Variants in BRD9 observed in about 807,000 individuals in gnomAD.
BRD9 encodes bromodomain-containing protein 9.
In BRD9, 47 loss-of-function variants were observed where a neutral mutation model predicts 68.7. That is an observed-to-expected ratio of 0.68 (90% CI 0.54 to 0.87). BRD9 has a LOEUF of 0.87. Among genes scored for constraint, BRD9 ranks in the 40% least tolerant of loss-of-function variants. BRD9 has a pLI of 0.00. For missense variants in BRD9, 670 were observed against 748.4 expected, an observed-to-expected ratio of 0.90 and a Z score of 1.22; for synonymous variants, 313 against 293.9, an observed-to-expected ratio of 1.06 and a Z score of -0.67.
chr5:883,852 G>T (rs1752160922), intron 8 of BRD9, 86 bp downstream of exon 8: 1 of 1,533,726 alleles, frequency 6.5e-7, no homozygotes, highest in East Asian at 2.3e-5. Context: ...GGCTGTGCTA[G>T]ATCACACAGC....
At position 891,172 on chromosome 5, in the gene BRD9, G is replaced by A. The variant is rs1753318690; in HGVS notation, c.383C>T (p.Ala128Val). 1.3e-6 allele frequency: 2 copies of A among 1,551,366 alleles called. No homozygotes were observed. Among genetic ancestry groups the A allele is most frequent in the Non-Finnish European group, 1.7e-6 (2 of 1,146,796 alleles). ...ACCCTTGCCTGGCTGTGTCCGGCAC[G>A]CTCGGACTGGCCGATCTGGGGGCGG... Reference protein sequence around the residue: ...VEPPPDRPVRACRTQPAENES... With the variant: ...VEPPPDRPVRVCRTQPAENES... Residue 128 changes from alanine (A) to valine (V), a missense_variant, in exon 3 of 16, where the codon GCG becomes GTG. Physicochemically the swap from Ala to Val is moderately conservative, Grantham distance 64 (BLOSUM62 0). Transcript: ENST00000467963.
At chr5:881,331 AT>A in intron 8 of BRD9, 149 bp from the exon 9 acceptor site, 2 of 737,960 alleles carry the variant, frequency 2.7e-6, no homozygotes. Context: ...ATTCCCTGGA[AT>A]TTCAGACTCA....
chr5:866,997 C>T (rs1749467423), intron 14 of BRD9, among the ~76,000 whole-genome samples: 1 of 152,198 alleles, frequency 6.6e-6, no homozygotes, highest in African/African-American at 2.4e-5. Context: ...ATTTCAAAGA[C>T]CTTTGCCCAG....
At chr5:891,541 T>C in intron 2 of BRD9, 99 bp downstream of exon 2, 7 of 1,478,090 alleles carry the variant, frequency 4.7e-6, no homozygotes, top group Non-Finnish European at 6.2e-6. Flanking sequence ...CCCCCTCCCC[T>C]CCTCCAGCCA....
chr5:885,446 G>T (rs866964060), intron 7 of BRD9, among the ~76,000 whole-genome samples: 1 of 152,190 alleles, frequency 6.6e-6, no homozygotes, highest in African/African-American at 2.4e-5. Flanking sequence ...TTAAATCCAC[G>T]TGAGTCCCAT....
intron 12 of BRD9, 119 bp downstream of exon 12, chr5:875,982 G>A (rs992619280): frequency 3.0e-5 from 20 of 671,878 alleles, no homozygotes; most frequent in African/African-American, 7.2e-5. Flanking sequence ...ACGAGGAGCC[G>A]GCAGCAGAGT....
rs781004303 is a variant in BRD9, at chr5:889,636, TCTC to T, written c.409_411del (p.Glu137del). 2.5e-6 allele frequency: 4 copies of T among 1,613,138 alleles called. No individual in the cohort carries two copies. In the South Asian group the frequency reaches 4.4e-5, roughly 18 times the overall value. ...TCCAGGAGTTGCTGAATAGGTGTGCTCTCATTTTCGGCTGACAATTTAAGGAAA... is the reference window on the plus strand; with the variant it reads ...TCCAGGAGTTGCTGAATAGGTGTGCTATTTTCGGCTGACAATTTAAGGAAA... On this transcript the variant is annotated inframe_deletion, in exon 4 of 16. Coordinates refer to ENST00000467963, the MANE Select transcript of BRD9 (RefSeq NM_023924.5).
At chr5:884,243 T>C (rs1752226705) in intron 7 of BRD9, among the ~76,000 whole-genome samples, 173 bp from the exon 8 acceptor site, 1 of 152,082 alleles carries the variant, frequency 6.6e-6, no homozygotes, top group Non-Finnish European at 1.5e-5. Flanking sequence ...CCTAACCAAA[T>C]GACAAATTAA....
At chr5:885,870 G>A (rs1173963765) in intron 7 of BRD9, among the ~76,000 whole-genome samples, 1 of 152,250 alleles carries the variant, frequency 6.6e-6, no homozygotes, top group Non-Finnish European at 1.5e-5. Flanking sequence ...ACCTCACATA[G>A]GTGGAGGAGC....
chr5:889,999 GATT>G (rs1206647502), intron 3 of BRD9: 1 of 340,728 alleles, frequency 2.9e-6, no homozygotes, highest in Admixed American at 3.9e-5. Flanking sequence ...TGAATTCACC[GATT>G]ATTATTTCAC....
intron 12 of BRD9, among the ~76,000 whole-genome samples, chr5:874,044 G>A (rs1750542041): frequency 6.6e-6 from 1 of 152,214 alleles, no homozygotes; most frequent in Non-Finnish European, 1.5e-5. Flanking sequence ...CTCTGAAAGA[G>A]AGAAAGAACC....
intron 14 of BRD9, among the ~76,000 whole-genome samples, chr5:866,850 G>A (rs911023861): frequency 7.2e-5 from 11 of 152,178 alleles, no homozygotes; most frequent in Non-Finnish European, 1.6e-4. Flanking sequence ...TAAAAGGGAA[G>A]CAGAGAGTAA....
At chr5:874,414 A>G (rs1022153642) in intron 12 of BRD9, among the ~76,000 whole-genome samples, 1 of 152,264 alleles carries the variant, frequency 6.6e-6, no homozygotes, top group Non-Finnish European at 1.5e-5. Context: ...TTAGTTTTTT[A>G]AGATCTAGTT....
intron 3 of BRD9, 99 bp from the exon 4 acceptor site, chr5:889,746 C>A (rs780491653): frequency 6.4e-7 from 1 of 1,567,724 alleles, no homozygotes; most frequent in Admixed American, 1.7e-5. Context: ...TGTCTCACAG[C>A]ATTTTAAGTT....
chr5:878,776 G>A (rs1751387985), intron 10 of BRD9: 2 of 441,472 alleles, frequency 4.5e-6, no homozygotes, highest in East Asian at 8.0e-5. Context: ...AACGTGGGCA[G>A]AGCGCACCGT....
chr5:892,273 G>A, intron 1 of BRD9: 2 of 483,396 alleles, frequency 4.1e-6, no homozygotes, highest in Non-Finnish European at 7.1e-6. Flanking sequence ...CAAGGGAGAG[G>A]GAGGGAAAGG....
At chr5:873,016 T>G (rs1467971891) in intron 12 of BRD9, among the ~76,000 whole-genome samples, 1 of 151,970 alleles carries the variant, frequency 6.6e-6, no homozygotes, top group Non-Finnish European at 1.5e-5. Flanking sequence ...AATACAAAAA[T>G]TAGCCAGGTG....
intron 6 of BRD9, 38 bp downstream of exon 6, chr5:887,323 T>G: frequency 6.5e-7 from 1 of 1,550,236 alleles, no homozygotes; most frequent in East Asian, 2.2e-5. Flanking sequence ...GCAGAGCCCC[T>G]GCTTTCCGTA....
At chr5:883,467 C>G (rs987003484) in intron 8 of BRD9, 1 of 456,192 alleles carries the variant, frequency 2.2e-6, no homozygotes, top group Non-Finnish European at 4.4e-6. Flanking sequence ...GAAAGGAGAG[C>G]GTGGTCAGCT....
Sources: gnomAD v4.1 joint callset for allele counts (sites outside exome capture counted in the v4.1 genomes callset) on GRCh38, gnomAD v4.1.1 for gene constraint, MANE v1.5 for transcripts, NCBI Gene and HGNC (gene_info 2026-07-23, HGNC 2026-07-21) for gene names.